The following SLC24A2 variants were observed in gnomAD, a reference collection of about 807,000 sequenced individuals.
SLC24A2 encodes the protein solute carrier family 24 member 2.
A neutral mutation model predicts 62.0 loss-of-function variants in SLC24A2; 36 were observed. The ratio of observed to expected loss-of-function variants is 0.58; its 90% CI spans 0.44 to 0.77. SLC24A2 has a LOEUF of 0.77. SLC24A2 is among the 30% of genes least tolerant of loss of function. The pLI, the probability that SLC24A2 is intolerant of heterozygous loss-of-function variation, is 0.00. For synonymous variants in SLC24A2, 358 were observed against 294.0 expected (o/e 1.22, Z -2.23); for missense variants, 846 against 817.9 (o/e 1.03, Z -0.42).
the SLC24A2 span, among the ~76,000 whole-genome samples, chr9:19,879,486 T>C: frequency 5.3e-5 from 8 of 152,212 alleles, no homozygotes; most frequent in Admixed American, 3.3e-4. Flanking sequence ...TAGCAAGTTA[T>C]TTTGGGTTAC....
chr9:19,933,960 T>C, the SLC24A2 span, among the ~76,000 whole-genome samples: 8 of 152,090 alleles, frequency 5.3e-5, no homozygotes, highest in East Asian at 1.5e-3. Context: ...ATGCTAGGGG[T>C]ATGCAGGAAA....
At chr9:19,997,314 A>G in the SLC24A2 span, among the ~76,000 whole-genome samples, 5 of 152,208 alleles carry the variant, frequency 3.3e-5, no homozygotes, top group Non-Finnish European at 7.3e-5. Context: ...TAGAATAAAG[A>G]TAATTCCAGT....
At chr9:19,740,793 G>C (rs1400086050) in intron 2 of SLC24A2, among the ~76,000 whole-genome samples, 2 of 151,812 alleles carry the variant, frequency 1.3e-5, no homozygotes, top group African/African-American at 4.8e-5. Context: ...GTTATTGCTG[G>C]GTTACGGATA....
At chr9:20,292,657 G>A in the SLC24A2 span, among the ~76,000 whole-genome samples, 2 of 152,146 alleles carry the variant, frequency 1.3e-5, no homozygotes, top group Non-Finnish European at 2.9e-5. Flanking sequence ...TCAGGTTGGA[G>A]TGCAATGGCA....
chr9:20,287,550 T>C, the SLC24A2 span, among the ~76,000 whole-genome samples: 2 of 152,234 alleles, frequency 1.3e-5, no homozygotes, highest in Non-Finnish European at 2.9e-5. Flanking sequence ...AGAGCAAGTA[T>C]AGACTTTTCA....
the SLC24A2 span, among the ~76,000 whole-genome samples, chr9:19,909,136 G>T: frequency 6.6e-6 from 1 of 152,162 alleles, no homozygotes; most frequent in Non-Finnish European, 1.5e-5. Context: ...TATATACCAT[G>T]GAATACTATG....
chr9:20,296,192 T>C, the SLC24A2 span, among the ~76,000 whole-genome samples: 2 of 152,198 alleles, frequency 1.3e-5, no homozygotes, highest in African/African-American at 2.4e-5. Flanking sequence ...ACTTACGAAA[T>C]GTATAGACCA....
the SLC24A2 span, among the ~76,000 whole-genome samples, chr9:20,019,221 CAG>C: frequency 1.1e-5 from 1 of 90,940 alleles, no homozygotes; most frequent in Non-Finnish European, 2.4e-5. Flanking sequence ...GAAAGAAAGA[CAG>C]AAAGAAAGAA....
chr9:19,971,215 C>T, the SLC24A2 span, among the ~76,000 whole-genome samples: 2 of 152,206 alleles, frequency 1.3e-5, no homozygotes, highest in Non-Finnish European at 2.9e-5. Context: ...ACCAGCCAAT[C>T]CCTGCACAAG....
chr9:19,691,759 G>A (rs1041422140), intron 2 of SLC24A2, among the ~76,000 whole-genome samples: 3 of 151,988 alleles, frequency 2.0e-5, no homozygotes, highest in Non-Finnish European at 4.4e-5. Context: ...CACAGTACTG[G>A]ATTCCACTCA....
chr9:20,191,457 G>A, the SLC24A2 span, among the ~76,000 whole-genome samples: 1 of 152,012 alleles, frequency 6.6e-6, no homozygotes, highest in African/African-American at 2.4e-5. Context: ...TACACTATAG[G>A]AGGTGAGTGC....
the SLC24A2 span, among the ~76,000 whole-genome samples, chr9:20,264,584 G>C: frequency 2.6e-5 from 4 of 152,176 alleles, no homozygotes; most frequent in Admixed American, 2.6e-4. Context: ...ACTAACTATG[G>C]AAATTTGGAC....
At chr9:20,258,310 C>T in the SLC24A2 span, among the ~76,000 whole-genome samples, 2 of 152,212 alleles carry the variant, frequency 1.3e-5, no homozygotes, top group South Asian at 2.1e-4. Flanking sequence ...CCTATCCCTC[C>T]TCTGTTCAAA....
At chr9:19,608,616 T>C (rs934664365) in intron 4 of SLC24A2, among the ~76,000 whole-genome samples, 1 of 152,160 alleles carries the variant, frequency 6.6e-6, no homozygotes, top group Non-Finnish European at 1.5e-5. Context: ...AGGTAAAACA[T>C]GCATATGACT....
chr9:19,673,689 A>T (rs577758348), intron 2 of SLC24A2, among the ~76,000 whole-genome samples: 1 of 152,250 alleles, frequency 6.6e-6, no homozygotes, highest in African/African-American at 2.4e-5. Flanking sequence ...ACCTCAAGTG[A>T]TCCACCTGCT....
At chr9:19,983,354 C>A in the SLC24A2 span, among the ~76,000 whole-genome samples, 42,010 of 152,074 alleles carry the variant, frequency 0.28, 6,342 homozygotes, top group East Asian at 0.43. Context: ...CTAAAAAAAA[C>A]TCAGCTGTGG....
the SLC24A2 span, among the ~76,000 whole-genome samples, chr9:20,137,081 G>C: frequency 6.6e-6 from 1 of 152,162 alleles, no homozygotes; most frequent in Non-Finnish European, 1.5e-5. Flanking sequence ...CACATAGTAA[G>C]TATGGTCGAA....
chr9:19,956,299 A>G, the SLC24A2 span, among the ~76,000 whole-genome samples: 1 of 152,226 alleles, frequency 6.6e-6, no homozygotes, highest in Non-Finnish European at 1.5e-5. Context: ...AATGCTCACA[A>G]TGATAGCGCT....
chr9:19,879,300 A>G, the SLC24A2 span, among the ~76,000 whole-genome samples: 1 of 152,010 alleles, frequency 6.6e-6, no homozygotes, highest in Non-Finnish European at 1.5e-5. Flanking sequence ...GATGGTGGTA[A>G]GTTAATTTGT....
Sources: allele counts gnomAD v4.1 joint callset (sites outside exome capture counted in the v4.1 genomes callset), GRCh38; gene constraint gnomAD v4.1.1; transcripts MANE v1.5; gene names NCBI Gene and HGNC (gene_info 2026-07-23, HGNC 2026-07-21).